KIF4A: variants seen among roughly 807,000 people sequenced by gnomAD.
KIF4A encodes kinesin family member 4A.
A neutral mutation model predicts 105.9 loss-of-function variants in KIF4A; 7 were observed. The observed-to-expected ratio is 0.07, with a 90% CI of 0.04 to 0.12. The LOEUF is 0.12. Ranked by LOEUF, KIF4A falls within the 10% of genes least tolerant of loss-of-function variation. The pLI is 1.00. For missense variants in KIF4A, 558 were observed against 929.2 expected (o/e 0.60, Z 5.19); for synonymous variants, 281 against 331.3 (o/e 0.85, Z 1.65).
At chrX:70,351,754 T>G (rs2086031691) in intron 13 of KIF4A, among the ~76,000 whole-genome samples, 2 of 111,707 alleles carry the variant, frequency 1.8e-5, no homozygotes, top group South Asian at 7.5e-4. Context: ...TGTTTTTGTT[T>G]TTTGATTTTT....
intron 18 of KIF4A, among the ~76,000 whole-genome samples, chrX:70,382,021 C>T (rs948191184): frequency 8.9e-6 from 1 of 112,665 alleles, no homozygotes; most frequent in Admixed American, 9.4e-5. Flanking sequence ...AACTTACACA[C>T]TTATGGCCAG....
chrX:70,292,598 T>G (rs917781817), intron 3 of KIF4A, among the ~76,000 whole-genome samples: 1 of 112,468 alleles, frequency 8.9e-6, no homozygotes, highest in South Asian at 3.7e-4. Context: ...TTGATTAAGG[T>G]GTTAATCTGC....
chrX:70,322,748 C>G (rs1390968364), intron 7 of KIF4A, among the ~76,000 whole-genome samples: 2 of 104,881 alleles, frequency 1.9e-5, no homozygotes, highest in Non-Finnish European at 3.9e-5. Context: ...TCCCCAATCT[C>G]ATTAGTCACT....
At position 70,408,955 on chromosome X, in the gene KIF4A, T is replaced by C. The variant is rs12832803; in HGVS notation, c.3255+1880T>C. Among the ~76,000 whole-genome samples, 6 of 111,796 alleles carry C rather than the reference T, an allele frequency of 5.4e-5. No individual in the cohort carries two copies. In the East Asian group the frequency reaches 1.7e-3, roughly 31 times the overall value. On this transcript the variant is annotated intron_variant, in intron 28 of 30. Transcript: ENST00000374403. ...ATCTTGGCTCACCACAACCTCCTCCTCCCGGGTTCAAGCGATTCTCCAGCC... is the reference window on the plus strand; with the variant it reads ...ATCTTGGCTCACCACAACCTCCTCCCCCCGGGTTCAAGCGATTCTCCAGCC...
At chrX:70,400,257 G>A (rs2086276309) in intron 22 of KIF4A, among the ~76,000 whole-genome samples, 1 of 106,591 alleles carries the variant, frequency 9.4e-6, no homozygotes, top group Admixed American at 1.0e-4. Flanking sequence ...CCACCTATGA[G>A]TGAGAATATG....
rs1439156243 is a variant in KIF4A, at chrX:70,371,859, C to T, written c.1675-2292C>T. On this transcript the variant is annotated intron_variant, in intron 15 of 30. Coordinates refer to ENST00000374403, the MANE Select transcript of KIF4A (RefSeq NM_012310.5). ...CTCACTTCTCAGATGGGGCGGCTGC[C>T]GGGTGGAGGGGCTCCTCACTTCTCA... is the stretch of plus-strand genomic sequence containing the variant. Among the ~76,000 whole-genome samples, 527 of 99,145 alleles carry T rather than the reference C, an allele frequency of 5.3e-3. 14 individuals are homozygous for T. Among genetic ancestry groups the T allele is most frequent in the African/African-American group, 0.018 (490 of 26,532 alleles). The allele number at this position is 99,145 out of a possible 115,157, so 86.1% of individuals were successfully genotyped here.
chrX:70,415,840 C>G lies in KIF4A; in HGVS notation c.3256-2048C>G, dbSNP rs756449294. 5.7e-5 allele frequency among the ~76,000 whole-genome samples: 6 copies of G among 104,547 alleles called. No individual in the cohort carries two copies. In the East Asian group the frequency reaches 1.8e-3, roughly 31 times the overall value. The allele number at this position is 104,547 out of a possible 115,157, so 90.8% of individuals were successfully genotyped here. On this transcript the variant is annotated intron_variant, in intron 28 of 30. Coordinates refer to ENST00000374403, the MANE Select transcript of KIF4A (RefSeq NM_012310.5). ...TACACATGAACAAAATTATGGTGCC[C>G]TAAAATAGGATGCATTATTTCTTTT...
chrX:70,295,300 C>T (rs1181513596), intron 3 of KIF4A, among the ~76,000 whole-genome samples: 2 of 109,644 alleles, frequency 1.8e-5, no homozygotes, highest in African/African-American at 6.6e-5. Context: ...CTCAGCCTCC[C>T]GAGTAGCTGG....
intron 15 of KIF4A, among the ~76,000 whole-genome samples, chrX:70,371,433 C>G (rs924017145): frequency 8.9e-6 from 1 of 111,749 alleles, no homozygotes; most frequent in Non-Finnish European, 1.9e-5. Context: ...CCTTTCCCCC[C>G]GCTCTATTCC....
At chrX:70,298,391 G>A (rs2085791897) in intron 4 of KIF4A, among the ~76,000 whole-genome samples, 1 of 108,645 alleles carries the variant, frequency 9.2e-6, no homozygotes, top group East Asian at 3.0e-4. Flanking sequence ...GTGCCACTTC[G>A]CCTGGCTAAT....
At chrX:70,365,400 AT>A (rs1459123904) in intron 15 of KIF4A, among the ~76,000 whole-genome samples, 1 of 111,721 alleles carries the variant, frequency 9.0e-6, no homozygotes, top group African/African-American at 3.3e-5. Flanking sequence ...AGTTCTTATT[AT>A]TTTGAGATAC....
intron 13 of KIF4A, 81 bp from the exon 14 acceptor site, chrX:70,352,519 A>C: frequency 1.3e-6 from 1 of 743,337 alleles, no homozygotes; most frequent in Non-Finnish European, 2.0e-6. Context: ...ACACTTAAAA[A>C]AAATTAAATA....
intron 7 of KIF4A, among the ~76,000 whole-genome samples, chrX:70,311,261 CTTTCA>C (rs1466614077): frequency 1.8e-5 from 2 of 111,455 alleles, no homozygotes; most frequent in East Asian, 5.6e-4. Context: ...TTATGTCTCA[CTTTCA>C]TTTCAATTGT....
intron 13 of KIF4A, among the ~76,000 whole-genome samples, chrX:70,346,501 TAATAA>T (rs1192278209): frequency 1.8e-5 from 2 of 111,576 alleles, no homozygotes; most frequent in East Asian, 5.6e-4. Context: ...GGAACCAAAT[TAATAA>T]AATAAAGCAT....
intron 7 of KIF4A, among the ~76,000 whole-genome samples, chrX:70,325,562 G>A (rs1176220646): frequency 9.0e-6 from 1 of 111,537 alleles, no homozygotes. Flanking sequence ...ACAGACATGA[G>A]CCACCATGCC....
chrX:70,409,379 CTCTT>C (rs769715789), intron 28 of KIF4A, among the ~76,000 whole-genome samples: 192 of 111,781 alleles, frequency 1.7e-3, no homozygotes, highest in African/African-American at 5.9e-3. Context: ...CAGAGCGTGT[CTCTT>C]TCTTTCATTT....
intron 21 of KIF4A, 36 bp from the exon 22 acceptor site, chrX:70,395,913 T>C (rs751814457): frequency 8.4e-7 from 1 of 1,193,853 alleles, no homozygotes. Context: ...TACTTTCCTT[T>C]TAGTATTTCA....
intron 3 of KIF4A, among the ~76,000 whole-genome samples, chrX:70,294,281 C>T (rs2085772252): frequency 8.9e-6 from 1 of 112,215 alleles, no homozygotes; most frequent in African/African-American, 3.2e-5. Flanking sequence ...ATAGAGCTGT[C>T]ATCTCCTATG....
At chrX:70,313,260 A>G (rs2085857297) in intron 7 of KIF4A, among the ~76,000 whole-genome samples, 1 of 111,621 alleles carries the variant, frequency 9.0e-6, no homozygotes, top group Non-Finnish European at 1.9e-5. Flanking sequence ...TCTAATTAGT[A>G]TTTCTTCACC....
Sources: allele counts gnomAD v4.1 joint callset (sites outside exome capture counted in the v4.1 genomes callset), GRCh38; gene constraint gnomAD v4.1.1; transcripts MANE v1.5; gene names NCBI Gene and HGNC (gene_info 2026-07-23, HGNC 2026-07-21).